Variants in IMPG1 observed in about 807,000 individuals in gnomAD.
IMPG1 encodes the protein interphotoreceptor matrix proteoglycan of 150 kDa.
A neutral mutation model predicts 92.0 loss-of-function variants in IMPG1; 85 were observed. That is an observed-to-expected ratio of 0.92 (90% CI 0.78 to 1.11). The LOEUF (loss-of-function observed/expected upper bound fraction) is 1.11. Ranked by LOEUF, IMPG1 falls within the 50% of genes least tolerant of loss-of-function variation. The pLI is 0.00. For missense variants in IMPG1, 1,022 were observed against 956.0 expected (o/e 1.07, Z -0.91); for synonymous variants, 367 against 334.1 (o/e 1.10, Z -1.08).
chr6:76,054,503 A>G (rs1408684012), intron 1 of IMPG1, among the ~76,000 whole-genome samples: 1 of 152,186 alleles, frequency 6.6e-6, no homozygotes. Flanking sequence ...TGCTGTTTTA[A>G]GAGGCATATT....
chr6:76,007,529 T>C, intron 8 of IMPG1, 29 bp from the exon 9 acceptor site: 1 of 1,539,834 alleles, frequency 6.5e-7, no homozygotes. Context: ...AATGGAAACA[T>C]GAAAAAGAGA....
intron 12 of IMPG1, among the ~76,000 whole-genome samples, chr6:76,001,054 G>C (rs182735025): frequency 2.0e-5 from 3 of 152,192 alleles, no homozygotes; most frequent in Non-Finnish European, 4.4e-5. Flanking sequence ...TTTCTCATTT[G>C]TGAAACACAG....
intron 15 of IMPG1, among the ~76,000 whole-genome samples, chr6:75,928,104 A>G (rs59560341): frequency 0.33 from 50,381 of 152,040 alleles, 8,351 homozygotes; most frequent in South Asian, 0.39. Flanking sequence ...AACGGAATAC[A>G]TTCCTGTTCA....
intron 1 of IMPG1, among the ~76,000 whole-genome samples, chr6:76,068,760 G>A (rs565000174): frequency 8.4e-4 from 127 of 151,730 alleles, no homozygotes; most frequent in African/African-American, 2.7e-3. Flanking sequence ...CAAGAGATCC[G>A]CCCACCTCAG....
intron 12 of IMPG1, among the ~76,000 whole-genome samples, chr6:75,991,884 G>GT (rs1161812802): frequency 1.3e-4 from 20 of 152,130 alleles, no homozygotes. Context: ...AAGGCACCTT[G>GT]TTTTTTTCCG....
intron 5 of IMPG1, among the ~76,000 whole-genome samples, chr6:76,024,221 A>C (rs570247026): frequency 6.6e-6 from 1 of 152,322 alleles, no homozygotes; most frequent in East Asian, 1.9e-4. Flanking sequence ...ATGTCAGTAA[A>C]GGAAGAAATG....
At chr6:76,034,087 T>A (rs1783694907) in intron 4 of IMPG1, among the ~76,000 whole-genome samples, 1 of 152,246 alleles carries the variant, frequency 6.6e-6, no homozygotes, top group South Asian at 2.1e-4. Flanking sequence ...TCATTTTATG[T>A]GCAAACAATG....
intron 6 of IMPG1, among the ~76,000 whole-genome samples, chr6:76,021,447 C>T (rs899333558): frequency 2.6e-5 from 4 of 152,088 alleles, no homozygotes; most frequent in African/African-American, 9.7e-5. Context: ...GAATAAATCT[C>T]TTCAAATATT....
intron 12 of IMPG1, among the ~76,000 whole-genome samples, chr6:75,978,717 G>A (rs541556412): frequency 6.6e-6 from 1 of 152,270 alleles, no homozygotes; most frequent in African/African-American, 2.4e-5. Context: ...GTACTTGCAA[G>A]TCACTGGGGC....
chr6:75,963,954 T>A (rs1265337213), intron 12 of IMPG1, among the ~76,000 whole-genome samples: 1 of 152,220 alleles, frequency 6.6e-6, no homozygotes. Context: ...GCAAATGCAC[T>A]AATTGCTACT....
chr6:76,019,613 G>T (rs1191293090), intron 6 of IMPG1, among the ~76,000 whole-genome samples: 1 of 152,174 alleles, frequency 6.6e-6, no homozygotes, highest in African/African-American at 2.4e-5. Flanking sequence ...TCTAACTTTA[G>T]TAGGACACAA....
At chr6:75,924,642 T>TAATA (rs1323135975) in intron 15 of IMPG1, among the ~76,000 whole-genome samples, 4 of 10,624 alleles carry the variant, frequency 3.8e-4, no homozygotes, top group Admixed American at 2.5e-3. Context: ...ATATTATATA[T>TAATA]AATTAATTAT....
chr6:75,995,374 C>A (rs140064246), intron 12 of IMPG1, among the ~76,000 whole-genome samples: 1 of 152,150 alleles, frequency 6.6e-6, no homozygotes, highest in East Asian at 1.9e-4. Flanking sequence ...GCTTATAAAG[C>A]TCTATGCTTC....
chr6:76,054,382 A>G (rs1343157455), intron 1 of IMPG1, among the ~76,000 whole-genome samples: 1 of 152,118 alleles, frequency 6.6e-6, no homozygotes, highest in Non-Finnish European at 1.5e-5. Context: ...ATAAATTTTC[A>G]GTAAAAGTAT....
Position 75,988,380 on chromosome 6 carries a change from G to A in IMPG1, c.1291+14538C>T, listed in dbSNP as rs547778909. Among the ~76,000 whole-genome samples, 14 of 152,302 alleles carry A rather than the reference G, an allele frequency of 9.2e-5. No homozygotes were observed. In the South Asian group the frequency reaches 2.5e-3, roughly 27 times the overall value. ...CATTTCTCTGATGGCCAGTGATGATGAGCATTTTTTCATGTGTCTGTTGGC... is the reference window on the plus strand; with the variant it reads ...CATTTCTCTGATGGCCAGTGATGATAAGCATTTTTTCATGTGTCTGTTGGC... On this transcript the variant is annotated intron_variant, in intron 12 of 16. Transcript: ENST00000369950.
In IMPG1 at chr6:76,003,868, A is replaced by G. The variant is rs750586610; in HGVS notation, c.1212+6T>C. 2.4e-5 allele frequency: 39 copies of G among 1,607,820 alleles called. No individual in the cohort carries two copies. The highest frequency in any genetic ancestry group is 3.2e-5 in the Non-Finnish European group (38 of 1,176,538). On this transcript the variant is annotated splice_donor_region_variant and intron_variant, in intron 11 of 16. Coordinates refer to ENST00000369950, the MANE Select transcript of IMPG1 (RefSeq NM_001563.4). Reference sequence around the variant, plus strand: ...TAGTTAAAGAACAAAAGGACAACAAACTTACCTCTGTTATAACAGCAAAAG... The same window carrying G: ...TAGTTAAAGAACAAAAGGACAACAAGCTTACCTCTGTTATAACAGCAAAAG...
chr6:75,981,220 A>C (rs943279420), intron 12 of IMPG1, among the ~76,000 whole-genome samples: 1 of 152,228 alleles, frequency 6.6e-6, no homozygotes, highest in African/African-American at 2.4e-5. Flanking sequence ...GAACCACACA[A>C]ACATTCTATG....
intron 1 of IMPG1, among the ~76,000 whole-genome samples, chr6:76,056,184 T>G (rs1784117661): frequency 6.6e-6 from 1 of 152,126 alleles, no homozygotes; most frequent in Admixed American, 6.6e-5. Context: ...ATTTGAATAT[T>G]GATTAAGGCA....
chr6:75,952,437 C>T (rs951074332), intron 12 of IMPG1, among the ~76,000 whole-genome samples: 2 of 152,136 alleles, frequency 1.3e-5, no homozygotes, highest in Non-Finnish European at 2.9e-5. Flanking sequence ...AGTTTTATTA[C>T]TTTCTTAAAA....
Sources: allele counts gnomAD v4.1 joint callset (sites outside exome capture counted in the v4.1 genomes callset), GRCh38; gene constraint gnomAD v4.1.1; transcripts MANE v1.5; gene names NCBI Gene and HGNC (gene_info 2026-07-23, HGNC 2026-07-21).